IL17RC: variants seen among roughly 807,000 people sequenced by gnomAD.
The protein encoded by IL17RC is interleukin-17 receptor C.
Under a neutral mutation model 86.7 loss-of-function variants are expected in IL17RC, and 53 were observed. That is an observed-to-expected ratio of 0.61 (90% CI 0.49 to 0.77). The LOEUF (loss-of-function observed/expected upper bound fraction) is 0.77, where lower values mean the gene tolerates loss of function less well. IL17RC is among the 30% of genes least tolerant of loss of function. The probability of loss-of-function intolerance (pLI) is 0.00; values close to 1 mark genes in which losing one functional copy is unlikely to be tolerated. For missense variants in IL17RC, 957 were observed against 940.0 expected (o/e 1.02, Z -0.24); for synonymous variants, 439 against 413.1 (o/e 1.06, Z -0.76).
intron 9 of IL17RC, among the ~76,000 whole-genome samples, chr3:9,926,129 G>A (rs1159386422): frequency 4.0e-5 from 6 of 148,520 alleles, no homozygotes; most frequent in African/African-American, 1.2e-4. Context: ...CGCCTCCCAG[G>A]TTCAAGCCAT....
Position 9,918,064 on chromosome 3 carries a change from T to G in IL17RC, c.269T>G (p.Leu90Trp), listed in dbSNP as rs1272211454. ...CDLCLRVAVHLAVHGHWEEPE... is the reference protein window; with the variant it reads ...CDLCLRVAVHWAVHGHWEEPE... ...CTCTGTCTGCGTGTGGCTGTCCACT[T>G]GGCCGTGCATGGTGAGCAAGTCATC... Residue 90 changes from leucine to tryptophan, a missense_variant, in exon 3 of 19, where the codon TTG becomes TGG. Physicochemically the swap from Leu to Trp is moderately conservative, Grantham distance 61. Transcript: ENST00000403601. 6.3e-7 allele frequency: 1 copy of G among 1,578,488 alleles called. No homozygotes were observed. The highest frequency in any genetic ancestry group is 8.6e-7 in the Non-Finnish European group (1 of 1,162,156).
At position 9,929,744 on chromosome 3, in the gene IL17RC, G is replaced by A. The variant is rs914227987; in HGVS notation, c.1111-108G>A. 1.2e-4 allele frequency: 134 copies of A among 1,145,604 alleles called. No homozygotes were observed. In the African/African-American group the frequency reaches 1.8e-3, roughly 16 times the overall value. 71.0% of individuals were successfully genotyped at this position (1,145,604 alleles called of 1,614,324 possible). On this transcript the variant is annotated intron_variant, in intron 12 of 18. Coordinates refer to ENST00000403601, the MANE Select transcript of IL17RC (RefSeq NM_153460.4). The stretch of plus-strand genomic sequence containing the variant: ...CCACATCTGCCTCAGGTCAGATTGA[G>A]TGCAGATTCCCAACCCAACAGGCCT...
chr3:9,923,707 G>C (rs1040423971), intron 7 of IL17RC, among the ~76,000 whole-genome samples, 174 bp from the exon 8 acceptor site: 2 of 152,088 alleles, frequency 1.3e-5, no homozygotes, highest in Non-Finnish European at 2.9e-5. Context: ...GGGTCTCCAC[G>C]GGCTTGGCTT....
chr3:9,933,231 G>T lies in IL17RC; in HGVS notation c.1801G>T (p.Gly601Trp). Residue 601 changes from glycine to tryptophan, a missense_variant, in exon 19 of 19, where the codon GGG (glycine) becomes TGG (tryptophan). Coordinates refer to ENST00000403601, the MANE Select transcript of IL17RC (RefSeq NM_153460.4). ...GCTACAGGATGGGGTGTCCGGGCCCGGGGCGCACGGCCCGCACGACGCCTT... is the reference window on the plus strand; with the variant it reads ...GCTACAGGATGGGGTGTCCGGGCCCTGGGCGCACGGCCCGCACGACGCCTT... ...EWLQDGVSGP[G>W]AHGPHDAFRA... The T allele has an allele frequency of 6.2e-7, 1 of 1,606,248 alleles. No individual in the cohort carries two copies. Among genetic ancestry groups the T allele is most frequent in the South Asian group, 1.1e-5 (1 of 90,362 alleles).
intron 16 of IL17RC, among the ~76,000 whole-genome samples, chr3:9,931,470 C>CACACACACACACACACACATATATAT (rs750351615): frequency 3.4e-4 from 15 of 43,726 alleles, no homozygotes; most frequent in African/African-American, 6.5e-4. Context: ...CACACACACA[C>CACACACACACACACACACATATATAT]ATATATATAT....
In IL17RC at chr3:9,930,430, C is replaced by T. The variant is rs768878481; in HGVS notation, c.1309C>T (p.Gln437Ter). 3 of 1,614,088 alleles carry T rather than the reference C, an allele frequency of 1.9e-6. No homozygotes were observed. In the South Asian group the frequency reaches 3.3e-5, roughly 18 times the overall value. The change falls in exon 15 of 19, where the codon CAA becomes TAA. Residue 437 changes from glutamine to a stop codon, truncating the protein, a stop_gained. Coordinates refer to ENST00000403601, the MANE Select transcript of IL17RC (RefSeq NM_153460.4). LOFTEE classifies it high-confidence loss of function. The surrounding 1 kb of genome is among the most constrained non-coding windows in gnomAD (Gnocchi z 5.8). ...AGCTCGCCTTGGAGAGTACTTACTA[C>T]AAGACCTGCAGTCAGGCCAGTGTCT... is the stretch of plus-strand genomic sequence containing the variant. Reference protein sequence around the residue: ...RAARLGEYLLQDLQSGQCLQL... With the variant: ...RAARLGEYLL
At chr3:9,929,423 C>G (rs572717700) in intron 12 of IL17RC, 1 of 201,586 alleles carries the variant, frequency 5.0e-6, no homozygotes, top group South Asian at 8.9e-5. Context: ...TCTCTACCCT[C>G]ATAGAACTTA....
In IL17RC at chr3:9,917,190, C is replaced by G. The variant is rs76781354; in HGVS notation, c.-126C>G. The G allele has an allele frequency of 0.013, 9,435 of 703,876 alleles. 88 individuals are homozygous for G. Among genetic ancestry groups the G allele is most frequent in the Non-Finnish European group, 0.018 (7,671 of 421,716 alleles). The allele number at this position is 703,876 out of a possible 1,614,324, so 43.6% of individuals were successfully genotyped here. On this transcript the variant is annotated 5_prime_UTR_variant, in exon 1 of 19. Coordinates refer to ENST00000403601, the MANE Select transcript of IL17RC (RefSeq NM_153460.4). ...CTACCCAGCACAGCCCCCTCCGCCC[C>G]CTCTGGAGGCTGAAGAGGGATTCCA...
intron 9 of IL17RC, among the ~76,000 whole-genome samples, chr3:9,926,842 G>A (rs995041588): frequency 3.9e-5 from 6 of 151,948 alleles, no homozygotes; most frequent in East Asian, 2.0e-4. Context: ...AGATGGTCTC[G>A]ATCTCTTGAC....
chr3:9,918,625 A>G lies in IL17RC; in HGVS notation c.465+16A>G. 6.5e-7 allele frequency: 1 copy of G among 1,536,188 alleles called. No individual in the cohort carries two copies. The highest frequency in any genetic ancestry group is 9.0e-7 in the Non-Finnish European group (1 of 1,109,434). ...TCAGTCTGTGGTATGCAAAATAATA[A>G]TAATCACCTTCTAAACCTAAAATCT... On this transcript the variant is annotated intron_variant, in intron 5 of 18. Coordinates refer to ENST00000403601, the MANE Select transcript of IL17RC (RefSeq NM_153460.4).
rs764323291 is a variant in IL17RC, at chr3:9,928,475, G to A, written c.1048G>A (p.Val350Ile). The change falls in exon 11 of 19, where the codon GTC (valine) becomes ATC (isoleucine). Residue 350 changes from valine (V) to isoleucine (I), a missense_variant. Val to Ile is a conservative substitution (Grantham distance 29). Coordinates refer to ENST00000403601, the MANE Select transcript of IL17RC (RefSeq NM_153460.4). ...PLVPPLSWEN[V>I]TVDKVLEFPL... ...GGTCCCACCGCTTTCCTGGGAGAAC[G>A]TCACTGTGGACGTAAGTGAAGCAGA... 11 of 1,611,392 alleles carry A rather than the reference G, an allele frequency of 6.8e-6. No homozygotes were observed. The highest frequency in any genetic ancestry group is 6.7e-5 in the African/African-American group (5 of 74,906).
In IL17RC at chr3:9,917,320, C is replaced by T. The variant is rs748877918; in HGVS notation, c.5C>T (p.Pro2Leu). 7.4e-6 allele frequency: 12 copies of T among 1,612,950 alleles called. No individual in the cohort carries two copies. In the South Asian group the frequency reaches 1.2e-4, roughly 16 times the overall value. ...GTGCCACCTGGCACCTAGAAGATGCCTGTGCCCTGGTTCTTGCTGTCCTTG... is the reference window on the plus strand; with the variant it reads ...GTGCCACCTGGCACCTAGAAGATGCTTGTGCCCTGGTTCTTGCTGTCCTTG... Reference protein sequence around the residue: MPVPWFLLSLAL... With the variant: MLVPWFLLSLAL... The change falls in exon 1 of 19, where the codon CCT becomes CTT. Residue 2 changes from proline (P) to leucine (L), a missense_variant. Transcript: ENST00000403601.
At chr3:9,931,989 C>T (rs777518809) in intron 16 of IL17RC, among the ~76,000 whole-genome samples, 1 of 151,900 alleles carries the variant, frequency 6.6e-6, no homozygotes, top group Non-Finnish European at 1.5e-5. Flanking sequence ...CATTTTAGCA[C>T]TTAAGATGCT....
rs2084989312 is a variant in IL17RC, at chr3:9,933,431, GCAGCCTCGCGCC to G, written c.2003_2014del (p.Gln668_Ala671del). ...TGCCAGACTTCCTGGGGGCCCTGCA[GCAGCCTCGCGCC>G]CCGCGTTCCGGGCGGCTCCAAGAGA... On this transcript the variant is annotated inframe_deletion, in exon 19 of 19. Coordinates refer to ENST00000403601, the MANE Select transcript of IL17RC (RefSeq NM_153460.4). The G allele has an allele frequency of 6.2e-7, 1 of 1,613,070 alleles. No individual in the cohort carries two copies. Among genetic ancestry groups the G allele is most frequent in the African/African-American group, 1.3e-5 (1 of 74,932 alleles).
At chr3:9,923,679 T>C (rs930670296) in intron 7 of IL17RC, among the ~76,000 whole-genome samples, 1 of 152,154 alleles carries the variant, frequency 6.6e-6, no homozygotes, top group Non-Finnish European at 1.5e-5. Context: ...AGAATAGCTC[T>C]TCTCCGACCA....
chr3:9,930,483 C>T lies in IL17RC; in HGVS notation c.1338+24C>T. Reference sequence around the variant, plus strand: ...AGGTGAGCTGGTGGAAGAAGGGCCCCACCTCAATGCCTAGGGGCAACAGGC... The same window carrying T: ...AGGTGAGCTGGTGGAAGAAGGGCCCTACCTCAATGCCTAGGGGCAACAGGC... On this transcript the variant is annotated intron_variant, in intron 15 of 18. Coordinates refer to ENST00000403601, the MANE Select transcript of IL17RC (RefSeq NM_153460.4). The surrounding 1 kb of genome is among the most constrained non-coding windows in gnomAD (Gnocchi z 5.8). The T allele has an allele frequency of 6.2e-7, 1 of 1,611,324 alleles. No homozygotes were observed. Among genetic ancestry groups the T allele is most frequent in the Non-Finnish European group, 8.5e-7 (1 of 1,177,832 alleles).
intron 12 of IL17RC, 47 bp downstream of exon 12, chr3:9,928,677 GA>G: frequency 6.3e-6 from 10 of 1,596,502 alleles, no homozygotes; most frequent in Non-Finnish European, 6.9e-6. Context: ...GACCTGGGCA[GA>G]CCCCCCAGCC....
rs140087737 is a variant in IL17RC, at chr3:9,925,510, C to T, written c.822+1219C>T. On this transcript the variant is annotated intron_variant, in intron 9 of 18. Coordinates refer to ENST00000403601, the MANE Select transcript of IL17RC (RefSeq NM_153460.4). ...CTTTCCCCCTCCTCTCCATCTCAGT[C>T]CAGCTTAGGGCTCTATCATCTGTTT... Among the ~76,000 whole-genome samples the T allele has an allele frequency of 3.5e-3, 529 of 152,208 alleles. 1 individual carries two copies. Among genetic ancestry groups the T allele is most frequent in the African/African-American group, 0.012 (490 of 41,538 alleles).
rs1232487404 is a variant in IL17RC, at chr3:9,930,409, C to T, written c.1288C>T (p.Arg430Cys). 4 of 1,613,908 alleles carry T rather than the reference C, an allele frequency of 2.5e-6. No individual in the cohort carries two copies. The highest frequency in any genetic ancestry group is 2.7e-5 in the African/African-American group (2 of 74,914). The change falls in exon 15 of 19, where the codon CGC (arginine) becomes TGC (cysteine). Residue 430 changes from arginine (R) to cysteine (C), a missense_variant. Coordinates refer to ENST00000403601, the MANE Select transcript of IL17RC (RefSeq NM_153460.4). The surrounding 1 kb of genome is among the most constrained non-coding windows in gnomAD (Gnocchi z 5.8). ...TCCTTTGGCTTGGCAGAGGGCAGCTCGCCTTGGAGAGTACTTACTACAAGA... is the reference window on the plus strand; with the variant it reads ...TCCTTTGGCTTGGCAGAGGGCAGCTTGCCTTGGAGAGTACTTACTACAAGA... ...LPSKASTRAA[R>C]LGEYLLQDLQ...
Sources: gnomAD v4.1 joint callset for allele counts (sites outside exome capture counted in the v4.1 genomes callset) on GRCh38, gnomAD v4.1.1 for gene constraint, Gnocchi (gnomAD v3.1) non-coding constraint, MANE v1.5 for transcripts, NCBI Gene and HGNC (gene_info 2026-07-23, HGNC 2026-07-21) for gene names.